CCDC12: variants seen among roughly 807,000 people sequenced by gnomAD.
CCDC12 encodes the protein coiled-coil domain-containing protein 12.
CCDC12 carries 28 observed loss-of-function variants against 25.7 expected under a neutral mutation model. The observed-to-expected ratio is 1.09, with a 90% confidence interval of 0.81 to 1.50. The LOEUF (loss-of-function observed/expected upper bound fraction) is 1.50. Ranked by LOEUF, CCDC12 falls within the 40% of genes most tolerant of loss-of-function variation. The pLI is 0.00. For missense variants in CCDC12, 198 were observed against 210.0 expected, an observed-to-expected ratio of 0.94 and a Z score of 0.35; for synonymous variants, 75 against 87.7, an observed-to-expected ratio of 0.86 and a Z score of 0.81.
At chr3:46,968,754 C>T (rs1220785041) in intron 1 of CCDC12, among the ~76,000 whole-genome samples, 1 of 152,096 alleles carries the variant, frequency 6.6e-6, no homozygotes, top group African/African-American at 2.4e-5. Flanking sequence ...GTACTTATTC[C>T]CAAGCACCTG....
upstream of CCDC12, chr3:46,979,850 C>T (rs1219733297): frequency 6.6e-6 from 3 of 452,236 alleles, no homozygotes; most frequent in Non-Finnish European, 1.2e-5. Context: ...AGGGCCGGAG[C>T]CGGGCCGGGC....
intron 3 of CCDC12, among the ~76,000 whole-genome samples, chr3:46,924,533 C>G (rs1324294654): frequency 1.3e-5 from 2 of 152,206 alleles, no homozygotes; most frequent in Non-Finnish European, 2.9e-5. Flanking sequence ...TCACTTGTTA[C>G]TTATGCAATT....
intron 1 of CCDC12, among the ~76,000 whole-genome samples, chr3:46,950,104 G>A (rs17079336): frequency 0.066 from 10,046 of 151,448 alleles, 1,122 homozygotes; most frequent in African/African-American, 0.23. Flanking sequence ...GTCCCTCAGC[G>A]ATGGGCCTAA....
At chr3:46,961,535 C>G (rs892196998) in intron 1 of CCDC12, among the ~76,000 whole-genome samples, 1 of 152,202 alleles carries the variant, frequency 6.6e-6, no homozygotes, top group African/African-American at 2.4e-5. Flanking sequence ...CCTGGGAGTC[C>G]ATGTTGTCTT....
intron 2 of CCDC12, among the ~76,000 whole-genome samples, chr3:46,930,878 C>T (rs1176562762): frequency 3.3e-5 from 5 of 152,164 alleles, no homozygotes; most frequent in Non-Finnish European, 7.4e-5. Flanking sequence ...CACAGCAGGC[C>T]CCACTCCATG....
chr3:46,962,032 A>G (rs930758247), intron 1 of CCDC12, among the ~76,000 whole-genome samples: 1 of 152,238 alleles, frequency 6.6e-6, no homozygotes, highest in African/African-American at 2.4e-5. Context: ...ACATAAAAGA[A>G]TATCATCTAG....
rs567329520 is a variant in CCDC12, at chr3:46,925,426, A to G, written c.244+30T>C. The stretch of plus-strand genomic sequence containing the variant: ...TGGAGGGTGGCTGACAGTGCCAGGA[A>G]GCAGAGGTGGAGAGGGACAGCTTGC... On this transcript the variant is annotated intron_variant, in intron 3 of 6. Transcript: ENST00000683445. 75 of 1,596,954 alleles carry G rather than the reference A, an allele frequency of 4.7e-5. No homozygotes were observed. The East Asian group carries it at 1.5e-3, about 33-fold the overall frequency.
chr3:46,965,097 G>A (rs767814716), intron 1 of CCDC12, among the ~76,000 whole-genome samples: 3 of 152,154 alleles, frequency 2.0e-5, no homozygotes, highest in Non-Finnish European at 4.4e-5. Flanking sequence ...CTTGGACACT[G>A]AGAGGGAAGC....
At chr3:46,964,488 T>C (rs2034578895) in intron 1 of CCDC12, among the ~76,000 whole-genome samples, 1 of 152,160 alleles carries the variant, frequency 6.6e-6, no homozygotes, top group Non-Finnish European at 1.5e-5. Context: ...ATGATGACAA[T>C]GGCGGTTTTG....
chr3:46,957,596 C>G lies in CCDC12; in HGVS notation c.97-16531G>C, dbSNP rs1575557846. The stretch of plus-strand genomic sequence containing the variant: ...GAAGTGTGTGGCAGGCCAGGTCTCA[C>G]TAACGCAGGCCTCCGTTACGTTTCA... On this transcript the variant is annotated intron_variant, in intron 1 of 6. Coordinates refer to ENST00000683445, the MANE Select transcript of CCDC12 (RefSeq NM_001277074.2). Among the ~76,000 whole-genome samples the G allele has an allele frequency of 2.0e-5, 3 of 152,140 alleles. No individual in the cohort carries two copies. In the East Asian group the frequency reaches 5.8e-4, roughly 29 times the overall value.
chr3:46,946,830 G>A (rs1482031906), intron 1 of CCDC12, among the ~76,000 whole-genome samples: 2 of 152,230 alleles, frequency 1.3e-5, no homozygotes, highest in African/African-American at 4.8e-5. Context: ...GCCGAAGCAG[G>A]AGGACTTGAG....
intron 1 of CCDC12, among the ~76,000 whole-genome samples, chr3:46,958,390 T>G (rs1201584048): frequency 6.6e-6 from 1 of 152,204 alleles, no homozygotes; most frequent in Non-Finnish European, 1.5e-5. Context: ...AATGCACATT[T>G]ACACATAGAT....
chr3:46,942,803 T>C (rs11925089), intron 1 of CCDC12, among the ~76,000 whole-genome samples: 145 of 152,220 alleles, frequency 9.5e-4, no homozygotes, highest in Admixed American at 3.5e-3. Context: ...TGGAACGTGG[T>C]TCTTGGGCGA....
chr3:46,979,788 C>G, upstream of CCDC12: 1 of 378,170 alleles, frequency 2.6e-6, no homozygotes, highest in South Asian at 8.9e-5. Context: ...TGGGCCTGGC[C>G]GAGGGCAACC....
At chr3:46,945,809 AATAGCCT>A (rs2033880856) in intron 1 of CCDC12, among the ~76,000 whole-genome samples, 1 of 152,236 alleles carries the variant, frequency 6.6e-6, no homozygotes, top group South Asian at 2.1e-4. Flanking sequence ...TTGTTCTCTT[AATAGCCT>A]AATGTCTGTA....
chr3:46,979,812 G>C (rs1575573165), upstream of CCDC12: 8 of 402,594 alleles, frequency 2.0e-5, no homozygotes, highest in East Asian at 2.7e-4. Flanking sequence ...GGGCGGCGCG[G>C]AGGAGGCGGC....
upstream of CCDC12, chr3:46,977,028 G>A (rs557414030): frequency 4.2e-6 from 2 of 471,370 alleles, no homozygotes; most frequent in South Asian, 2.8e-5. Flanking sequence ...AGAGCAGCAA[G>A]TGGAATTCAG....
In CCDC12 at chr3:46,923,623, G is replaced by C. The variant is rs1363062530; in HGVS notation, c.290C>G (p.Pro97Arg). ...GGCACTCACCACCTCCTCGATGACG[G>C]GCTCGGGCTTGGCGGCCTCCAGCTG... ...KEQLEAAKPEPVIEEVDLANL... is the reference protein window; with the variant it reads ...KEQLEAAKPERVIEEVDLANL... The change falls in exon 4 of 7, where the codon CCC (proline) becomes CGC (arginine). Residue 97 changes from proline (P) to arginine (R), a missense_variant. Transcript: ENST00000683445. 1.3e-6 allele frequency: 2 copies of C among 1,595,728 alleles called. No homozygotes were observed. Among genetic ancestry groups the C allele is most frequent in the South Asian group, 1.1e-5 (1 of 88,366 alleles).
intron 2 of CCDC12, among the ~76,000 whole-genome samples, chr3:46,930,379 G>A (rs910881752): frequency 2.6e-5 from 4 of 152,350 alleles, no homozygotes; most frequent in Admixed American, 2.6e-4. Flanking sequence ...CAGTCTCTGT[G>A]GCTTAGGGCC....
Sources: allele counts gnomAD v4.1 joint callset (sites outside exome capture counted in the v4.1 genomes callset), GRCh38; gene constraint gnomAD v4.1.1; transcripts MANE v1.5; gene names NCBI Gene and HGNC (gene_info 2026-07-23, HGNC 2026-07-21).